CNTN4: variants seen among roughly 807,000 people sequenced by gnomAD.
CNTN4 encodes contactin-4.
Under a neutral mutation model 122.5 loss-of-function variants are expected in CNTN4, and 77 were observed. That is an observed-to-expected ratio of 0.63 (90% CI 0.52 to 0.76). CNTN4 has a LOEUF of 0.76. CNTN4 is among the 30% of genes least tolerant of loss of function. The pLI, the probability that CNTN4 is intolerant of heterozygous loss-of-function variation, is 0.00. For synonymous variants in CNTN4, 512 were observed against 447.0 expected (o/e 1.15, Z -1.83); for missense variants, 1,256 against 1,259.1 (o/e 1.00, Z 0.04).
At chr3:2,463,864 G>A (rs1463858464) in intron 3 of CNTN4, among the ~76,000 whole-genome samples, 1 of 152,150 alleles carries the variant, frequency 6.6e-6, no homozygotes, top group Non-Finnish European at 1.5e-5. Context: ...GGTATGATAT[G>A]TCATGCATCT....
intron 3 of CNTN4, among the ~76,000 whole-genome samples, chr3:2,518,369 C>T (rs897073889): frequency 8.6e-5 from 13 of 152,014 alleles, no homozygotes; most frequent in African/African-American, 3.1e-4. Flanking sequence ...ATGAATAATA[C>T]TCAGAATGTT....
intron 3 of CNTN4, among the ~76,000 whole-genome samples, chr3:2,540,311 A>G (rs533303699): frequency 6.6e-6 from 1 of 151,996 alleles, no homozygotes; most frequent in South Asian, 2.1e-4. Flanking sequence ...GGATTGCATC[A>G]TGTTGCTTGG....
intron 6 of CNTN4, among the ~76,000 whole-genome samples, chr3:2,819,077 A>G (rs554504158): frequency 3.9e-5 from 6 of 152,170 alleles, no homozygotes; most frequent in Non-Finnish European, 7.4e-5. Flanking sequence ...ACATCTTTAA[A>G]CCTCAGTTTC....
intron 8 of CNTN4, among the ~76,000 whole-genome samples, chr3:2,871,487 T>G (rs746750101): frequency 1.3e-5 from 2 of 152,194 alleles, no homozygotes; most frequent in Non-Finnish European, 2.9e-5. Flanking sequence ...AAATTTTGAT[T>G]TATTTTTTTC....
chr3:3,057,073 A>AGTC lies in CNTN4; in HGVS notation c.*854_*856dup, dbSNP rs201385127. 2,348 of 152,776 alleles carry AGTC rather than the reference A, an allele frequency of 0.015. 56 individuals carry two copies. Among genetic ancestry groups the AGTC allele is most frequent in the Non-Finnish European group, 0.016 (1,086 of 68,034 alleles). The allele number at this position is 152,776 out of a possible 1,614,324, so 9.5% of individuals were successfully genotyped here. On this transcript the variant is annotated 3_prime_UTR_variant, in exon 25 of 25. Coordinates refer to ENST00000418658, the MANE Select transcript of CNTN4 (RefSeq NM_175607.3). ...AGTAACATAGACCCAAAGTTACTAT[A>AGTC]GTCAACCAAGTCTTTCAAAGGATAA...
intron 9 of CNTN4, among the ~76,000 whole-genome samples, chr3:2,886,616 A>C (rs1326898601): frequency 3.4e-4 from 51 of 148,722 alleles, no homozygotes; most frequent in Non-Finnish European, 2.4e-4. Context: ...GGTTCAAGTG[A>C]TTCTCCTGCC....
chr3:2,595,471 T>C (rs2080724458), intron 4 of CNTN4, among the ~76,000 whole-genome samples: 1 of 152,142 alleles, frequency 6.6e-6, no homozygotes, highest in Non-Finnish European at 1.5e-5. Context: ...ACATCCCACC[T>C]AAAGGTGTGG....
chr3:2,986,144 A>G (rs1041801220), intron 13 of CNTN4, among the ~76,000 whole-genome samples: 1 of 152,016 alleles, frequency 6.6e-6, no homozygotes, highest in African/African-American at 2.4e-5. Flanking sequence ...CAAACTCCTG[A>G]GCTCAAGTGA....
intron 20 of CNTN4, among the ~76,000 whole-genome samples, chr3:3,041,595 T>C (rs1410588785): frequency 1.3e-5 from 2 of 152,210 alleles, no homozygotes; most frequent in East Asian, 3.8e-4. Flanking sequence ...TTTCAGTTAT[T>C]TTTGCCAGAT....
chr3:2,985,912 CTTTTT>C (rs762011820), intron 13 of CNTN4, among the ~76,000 whole-genome samples: 1 of 129,938 alleles, frequency 7.7e-6, no homozygotes, highest in Non-Finnish European at 1.6e-5. Context: ...TAAGAGAATA[CTTTTT>C]TTTTTTTTTT....
In CNTN4 at chr3:2,549,105, T is replaced by C. The variant is rs528392845; in HGVS notation, c.-88-22311T>C. Among the ~76,000 whole-genome samples, 17 of 125,898 alleles carry C rather than the reference T, an allele frequency of 1.4e-4. 1 individual carries two copies. Among genetic ancestry groups the C allele is most frequent in the African/African-American group, 4.3e-4 (17 of 39,584 alleles). The allele number at this position is 125,898 out of a possible 152,430, so 82.6% of individuals were successfully genotyped here. A position where few individuals can be genotyped will look rare whatever the true frequency, so the allele number is the denominator to read the frequency against. On this transcript the variant is annotated intron_variant, in intron 3 of 24. Coordinates refer to ENST00000418658, the MANE Select transcript of CNTN4 (RefSeq NM_175607.3). ...GACGTTGGGGTTTCTAAATATACAA[T>C]CATGTCGGGTTTTCTAAATATACAA... is the stretch of plus-strand genomic sequence containing the variant.
chr3:2,630,779 C>T (rs114933574), intron 4 of CNTN4, among the ~76,000 whole-genome samples: 2,717 of 151,198 alleles, frequency 0.018, 79 homozygotes, highest in African/African-American at 0.061. Flanking sequence ...TGTTGAGTAG[C>T]GTTCTTATTT....
intron 3 of CNTN4, among the ~76,000 whole-genome samples, chr3:2,504,091 T>G (rs1229828980): frequency 1.3e-5 from 2 of 151,934 alleles, no homozygotes; most frequent in Admixed American, 6.6e-5. Flanking sequence ...ATGGTACAAG[T>G]AAAGTGTCTG....
At chr3:3,055,302 TTTC>T (rs1364800178) in intron 24 of CNTN4, among the ~76,000 whole-genome samples, 1 of 152,230 alleles carries the variant, frequency 6.6e-6, no homozygotes, top group East Asian at 1.9e-4. Flanking sequence ...TACTTCATAC[TTTC>T]TTATCATTGC....
At chr3:2,862,126 T>C (rs1247406368) in intron 7 of CNTN4, among the ~76,000 whole-genome samples, 1 of 152,222 alleles carries the variant, frequency 6.6e-6, no homozygotes, top group African/African-American at 2.4e-5. Context: ...CTTTCAGGTT[T>C]AAAACTTTGA....
chr3:2,615,404 C>T lies in CNTN4; in HGVS notation c.55+43846C>T, dbSNP rs1372309631. ...TCTTTAATCTGTTTGTGTTGAAATT[C>T]CCCCAGATCATTTTCACATCTGTAC... On this transcript the variant is annotated intron_variant, in intron 4 of 24. Transcript: ENST00000418658. Among the ~76,000 whole-genome samples, 5 of 152,214 alleles carry T rather than the reference C, an allele frequency of 3.3e-5. No individual in the cohort carries two copies. The East Asian group carries it at 7.7e-4, about 24-fold the overall frequency.
chr3:2,201,220 G>C (rs1213261070), intron 2 of CNTN4, among the ~76,000 whole-genome samples: 2 of 152,054 alleles, frequency 1.3e-5, no homozygotes, highest in African/African-American at 4.8e-5. Context: ...CTTAAAATGA[G>C]GGAAACAAGT....
chr3:2,763,024 C>G (rs980992750), intron 6 of CNTN4, among the ~76,000 whole-genome samples: 29 of 151,158 alleles, frequency 1.9e-4, no homozygotes, highest in African/African-American at 7.1e-4. Flanking sequence ...TCTCCACAAG[C>G]TCCGCCTCCC....
intron 2 of CNTN4, among the ~76,000 whole-genome samples, chr3:2,252,710 T>G (rs1384888989): frequency 2.0e-5 from 3 of 152,088 alleles, no homozygotes; most frequent in Non-Finnish European, 4.4e-5. Context: ...ATATAAATGC[T>G]GAATCCCTTT....
Sources: allele counts gnomAD v4.1 joint callset (sites outside exome capture counted in the v4.1 genomes callset), GRCh38; gene constraint gnomAD v4.1.1; transcripts MANE v1.5; gene names NCBI Gene and HGNC (gene_info 2026-07-23, HGNC 2026-07-21).